The following USH2A variants were observed in gnomAD, a reference collection of about 807,000 sequenced individuals.
USH2A encodes the protein Usher syndrome 2A (autosomal recessive, mild).
In USH2A, 443 loss-of-function variants were observed where a neutral mutation model predicts 538.9. The observed-to-expected ratio is 0.82, with a 90% CI of 0.76 to 0.89. The LOEUF (loss-of-function observed/expected upper bound fraction) is 0.89, where lower values mean the gene tolerates loss of function less well. USH2A is among the 40% of genes least tolerant of loss of function. The pLI, the probability that USH2A is intolerant of heterozygous loss-of-function variation, is 0.00. For synonymous variants in USH2A, 2,413 were observed against 2,273.5 expected, an observed-to-expected ratio of 1.06 and a Z score of -1.75; for missense variants, 6,633 against 6,324.8, an observed-to-expected ratio of 1.05 and a Z score of -1.65.
At chr1:216,282,449 A>G (rs1397542279) in intron 11 of USH2A, among the ~76,000 whole-genome samples, 1 of 152,216 alleles carries the variant, frequency 6.6e-6, no homozygotes, top group African/African-American at 2.4e-5. Context: ...GCATATAAAA[A>G]CACAATTGTC....
chr1:216,028,034 T>G (rs974404170), intron 32 of USH2A, among the ~76,000 whole-genome samples: 11 of 152,330 alleles, frequency 7.2e-5, no homozygotes, highest in Admixed American at 7.2e-4. Context: ...TCTCTATTTC[T>G]TCACTGAGAA....
At chr1:215,836,708 C>G (rs1421375315) in intron 47 of USH2A, among the ~76,000 whole-genome samples, 4 of 144,946 alleles carry the variant, frequency 2.8e-5, no homozygotes, top group African/African-American at 1.0e-4. Context: ...AGGTGCCCCC[C>G]ACCACGCCCT....
chr1:216,286,710 C>G (rs773367193), intron 11 of USH2A, among the ~76,000 whole-genome samples: 3 of 151,640 alleles, frequency 2.0e-5, no homozygotes, highest in African/African-American at 4.9e-5. Flanking sequence ...GGTGACAGAG[C>G]GAGACTCTGT....
chr1:216,204,622 GA>G (rs1406022895), intron 16 of USH2A, among the ~76,000 whole-genome samples: 5 of 152,076 alleles, frequency 3.3e-5, no homozygotes, highest in Admixed American at 3.3e-4. Context: ...AATTTTCTTT[GA>G]AAAGTTCAAT....
chr1:215,804,294 T>C (rs1571703042), intron 49 of USH2A, among the ~76,000 whole-genome samples: 1 of 151,926 alleles, frequency 6.6e-6, no homozygotes, highest in African/African-American at 2.4e-5. Context: ...GGGATCTAAT[T>C]AAACTCAAGA....
intron 3 of USH2A, among the ~76,000 whole-genome samples, chr1:216,381,242 A>G (rs562880481): frequency 6.6e-6 from 1 of 152,246 alleles, no homozygotes; most frequent in Non-Finnish European, 1.5e-5. Context: ...AGCTTGCATG[A>G]AAACCACAAA....
intron 61 of USH2A, among the ~76,000 whole-genome samples, chr1:215,682,440 C>G (rs557438555): frequency 6.6e-6 from 1 of 152,138 alleles, no homozygotes; most frequent in Non-Finnish European, 1.5e-5. Flanking sequence ...TACTATCAAA[C>G]ACTTTTGGTA....
rs535610398 is a variant in USH2A, at chr1:215,760,049, T to C, written c.11048-206A>G. 1.4e-4 allele frequency among the ~76,000 whole-genome samples: 22 copies of C among 152,326 alleles called. No individual in the cohort carries two copies. The South Asian group carries it at 2.3e-3, about 16-fold the overall frequency. On this transcript the variant is annotated intron_variant, in intron 56 of 71. Coordinates refer to ENST00000307340, the MANE Select transcript of USH2A (RefSeq NM_206933.4). ...TTTTGAATTGCCTTTGGAAAGTGAA[T>C]GTCAGACAACTAGCAGTGGATAATT...
At chr1:216,172,326 T>C (rs2034289758) in intron 21 of USH2A, among the ~76,000 whole-genome samples, 1 of 152,100 alleles carries the variant, frequency 6.6e-6, no homozygotes, top group African/African-American at 2.4e-5. Context: ...TATCTTTTCA[T>C]ATATAAAATA....
At chr1:215,741,280 T>C in intron 60 of USH2A, 95 bp downstream of exon 60, 1 of 1,414,354 alleles carries the variant, frequency 7.1e-7, no homozygotes, top group South Asian at 1.2e-5. Context: ...TTCCCATTCA[T>C]TCTCTTATGG....
At chr1:216,211,815 T>C (rs960450972) in intron 15 of USH2A, among the ~76,000 whole-genome samples, 1 of 152,156 alleles carries the variant, frequency 6.6e-6, no homozygotes, top group Non-Finnish European at 1.5e-5. Context: ...CTTTGATCGG[T>C]TGAACACTGA....
intron 4 of USH2A, among the ~76,000 whole-genome samples, chr1:216,350,513 G>T (rs991732863): frequency 1.3e-5 from 2 of 152,020 alleles, no homozygotes; most frequent in African/African-American, 4.8e-5. Flanking sequence ...ATTCCAAACG[G>T]GATAAATCAG....
At position 215,886,300 on chromosome 1, in the gene USH2A, C is replaced by T. The variant is rs138749685; in HGVS notation, c.8223+2126G>A. On this transcript the variant is annotated intron_variant, in intron 41 of 71. Transcript: ENST00000307340. ...AATCTCATATTTTACAAAGAGAAGTCGTTGTTTAGCTGTCATATACCTCTG... is the reference window on the plus strand; with the variant it reads ...AATCTCATATTTTACAAAGAGAAGTTGTTGTTTAGCTGTCATATACCTCTG... Among the ~76,000 whole-genome samples, 979 of 152,224 alleles carry T rather than the reference C, an allele frequency of 6.4e-3. 24 individuals carry two copies. The highest frequency in any genetic ancestry group is 5.5e-3 in the Non-Finnish European group (377 of 68,014).
chr1:215,745,994 G>A (rs1019301164), intron 58 of USH2A, among the ~76,000 whole-genome samples: 3 of 152,130 alleles, frequency 2.0e-5, no homozygotes, highest in Non-Finnish European at 4.4e-5. Context: ...TGCTTTGGAG[G>A]TTTGTGGGCT....
chr1:216,187,985 A>T (rs1381018237), intron 20 of USH2A, among the ~76,000 whole-genome samples: 1 of 151,984 alleles, frequency 6.6e-6, no homozygotes, highest in East Asian at 1.9e-4. Context: ...TTGTAAGTCA[A>T]CTAACTTTCA....
chr1:216,418,709 G>A lies in USH2A; in HGVS notation c.486-30C>T, dbSNP rs371961889. The A allele has an allele frequency of 6.2e-5, 100 of 1,611,876 alleles. No individual in the cohort carries two copies. In the African/African-American group the frequency reaches 1.1e-3, roughly 18 times the overall value. On this transcript the variant is annotated intron_variant, in intron 2 of 71. Transcript: ENST00000307340. ...GGAAGCAACCGGAAAAGAGAGAAAA[G>A]GTCAGCATCCAACCAAAAAGACATG... is the stretch of plus-strand genomic sequence containing the variant.
chr1:215,765,696 C>T (rs561788110), intron 56 of USH2A, among the ~76,000 whole-genome samples: 2 of 152,202 alleles, frequency 1.3e-5, no homozygotes, highest in East Asian at 3.9e-4. Flanking sequence ...GTGTATACTT[C>T]CTGGATTTTT....
At chr1:215,650,526 A>G in intron 65 of USH2A, 66 bp downstream of exon 65, 4 of 1,591,946 alleles carry the variant, frequency 2.5e-6, no homozygotes, top group Non-Finnish European at 3.4e-6. Flanking sequence ...AAACATAAAA[A>G]CAAAGGTTTC....
chr1:216,034,398 G>A (rs1488143350), intron 32 of USH2A, among the ~76,000 whole-genome samples: 1 of 152,172 alleles, frequency 6.6e-6, no homozygotes, highest in African/African-American at 2.4e-5. Flanking sequence ...CAAAGTAGTT[G>A]TGGAGTCAAT....
Sources: allele counts gnomAD v4.1 joint callset (sites outside exome capture counted in the v4.1 genomes callset), GRCh38; gene constraint gnomAD v4.1.1; transcripts MANE v1.5; gene names NCBI Gene and HGNC (gene_info 2026-07-23, HGNC 2026-07-21).